The following CEP112 variants were observed in gnomAD, a reference collection of about 807,000 sequenced individuals.
The protein encoded by CEP112 is centrosomal protein of 112 kDa.
CEP112 carries 127 observed loss-of-function variants against 153.0 expected under a neutral mutation model. The ratio of observed to expected loss-of-function variants is 0.83; its 90% CI spans 0.72 to 0.96. The LOEUF is 0.96. Ranked by LOEUF, CEP112 falls within the 40% of genes least tolerant of loss-of-function variation. The pLI is 0.00. For synonymous variants in CEP112, 358 were observed against 374.4 expected (o/e 0.96, Z 0.51); for missense variants, 1,089 against 1,101.2 (o/e 0.99, Z 0.16).
chr17:66,054,381 C>A (rs1346400352), intron 11 of CEP112, among the ~76,000 whole-genome samples: 1 of 152,154 alleles, frequency 6.6e-6, no homozygotes, highest in East Asian at 1.9e-4. Flanking sequence ...TATACAAAAA[C>A]AGACAAAAAG....
At position 66,063,340 on chromosome 17, in the gene CEP112, T is replaced by TC. The variant is rs772458409; in HGVS notation, c.956-260dup. ...TCAAGCATCATTCCCCTCCAAGGAG[T>TC]CCTCTGTTGCTTTGAGGAAATCTTT... On this transcript the variant is annotated intron_variant, in intron 10 of 26. Coordinates refer to ENST00000535342, the MANE Select transcript of CEP112 (RefSeq NM_001199165.4). 1.1e-4 allele frequency among the ~76,000 whole-genome samples: 17 copies of TC among 152,176 alleles called. No homozygotes were observed. The East Asian group carries it at 2.7e-3, about 24-fold the overall frequency.
intron 18 of CEP112, among the ~76,000 whole-genome samples, chr17:65,945,427 C>G (rs188741788): frequency 1.3e-5 from 2 of 152,018 alleles, no homozygotes; most frequent in African/African-American, 4.8e-5. Flanking sequence ...GAATAAGGCA[C>G]GCATATATTT....
chr17:66,113,055 G>A (rs926624855), intron 6 of CEP112, among the ~76,000 whole-genome samples: 1 of 152,020 alleles, frequency 6.6e-6, no homozygotes, highest in Non-Finnish European at 1.5e-5. Flanking sequence ...GGTAACAAGA[G>A]CGAAACTCCG....
At chr17:66,011,319 G>A (rs28853357) in intron 16 of CEP112, among the ~76,000 whole-genome samples, 25,783 of 152,030 alleles carry the variant, frequency 0.17, 3,382 homozygotes, top group African/African-American at 0.36. Context: ...ACTATTAGGT[G>A]GTTAACTTGA....
At chr17:66,103,382 A>G (rs572582773) in intron 6 of CEP112, among the ~76,000 whole-genome samples, 2 of 152,284 alleles carry the variant, frequency 1.3e-5, no homozygotes, top group South Asian at 4.1e-4. Context: ...GGAGGAGGAT[A>G]GAAAGAAAGA....
At chr17:65,763,095 G>C (rs1290821789) in intron 21 of CEP112, among the ~76,000 whole-genome samples, 2 of 151,952 alleles carry the variant, frequency 1.3e-5, no homozygotes, top group African/African-American at 2.4e-5. Context: ...GATTCGTAGA[G>C]GTGTTTTCTC....
intron 18 of CEP112, among the ~76,000 whole-genome samples, chr17:65,930,065 G>A (rs2061068781): frequency 6.6e-6 from 1 of 152,102 alleles, no homozygotes; most frequent in Admixed American, 6.5e-5. Context: ...TTTTGTCTGA[G>A]GCAATTACCA....
At chr17:65,643,172 G>C (rs973403357) in intron 24 of CEP112, among the ~76,000 whole-genome samples, 1 of 152,196 alleles carries the variant, frequency 6.6e-6, no homozygotes, top group Non-Finnish European at 1.5e-5. Context: ...GGAGGGCCTT[G>C]GATCCTTGCT....
At chr17:66,045,054 T>C (rs2066143424) in intron 12 of CEP112, among the ~76,000 whole-genome samples, 1 of 149,894 alleles carries the variant, frequency 6.7e-6, no homozygotes, top group African/African-American at 2.5e-5. Context: ...AATACATTTT[T>C]TCAAGCTAGA....
chr17:65,985,850 T>TG (rs2063387834), intron 17 of CEP112, among the ~76,000 whole-genome samples: 2 of 150,494 alleles, frequency 1.3e-5, no homozygotes, highest in South Asian at 4.2e-4. Context: ...GGGCTTTTGT[T>TG]TTTTTTTTTT....
intron 20 of CEP112, among the ~76,000 whole-genome samples, chr17:65,852,313 C>T (rs201537175): frequency 1.7e-4 from 3 of 17,170 alleles, no homozygotes; most frequent in East Asian, 2.0e-3. Context: ...CCCTTCCCTT[C>T]CCTTTCCTTC....
At chr17:65,970,384 T>TGTAAATTACATGCACACATCATGCAA (rs1568313669) in intron 17 of CEP112, among the ~76,000 whole-genome samples, 3 of 61,556 alleles carry the variant, frequency 4.9e-5, no homozygotes, top group Non-Finnish European at 1.1e-4. Context: ...ACATCATGCA[T>TGTAAATTACATGCACACATCATGCAA]ATATATTACA....
At chr17:66,034,598 T>TTAAA (rs3056014) in intron 12 of CEP112, among the ~76,000 whole-genome samples, 140,568 of 151,766 alleles carry the variant, frequency 0.93, 65,331 homozygotes, top group East Asian at 0.97. Flanking sequence ...ATGTGAATAA[T>TTAAA]TACAGTGGAG....
chr17:66,098,004 T>C (rs1261902772), intron 6 of CEP112, among the ~76,000 whole-genome samples: 1 of 152,234 alleles, frequency 6.6e-6, no homozygotes, highest in Non-Finnish European at 1.5e-5. Flanking sequence ...GCCTAAAGGT[T>C]TCTCCATTCA....
intron 4 of CEP112, among the ~76,000 whole-genome samples, chr17:66,163,011 T>C (rs937819964): frequency 6.6e-6 from 1 of 152,114 alleles, no homozygotes; most frequent in Admixed American, 6.5e-5. Flanking sequence ...AAATAATATA[T>C]ACAGTATGAT....
intron 21 of CEP112, among the ~76,000 whole-genome samples, chr17:65,838,230 T>G (rs2057394951): frequency 6.6e-6 from 1 of 151,766 alleles, no homozygotes; most frequent in Non-Finnish European, 1.5e-5. Context: ...CATGGAAGAG[T>G]CTCCAGTATA....
chr17:65,637,100 A>G lies in CEP112; in HGVS notation c.2864+24T>C, dbSNP rs145652326. 364 of 1,590,010 alleles carry G rather than the reference A, an allele frequency of 2.3e-4. 3 individuals carry two copies. In the East Asian group the frequency reaches 5.2e-3, roughly 23 times the overall value. ...ACACAACACAAACTAATCAGGAGACAAGACACCTGCTTATGGGCTGTACCT... is the reference window on the plus strand; with the variant it reads ...ACACAACACAAACTAATCAGGAGACGAGACACCTGCTTATGGGCTGTACCT... On this transcript the variant is annotated intron_variant, in intron 26 of 26. Coordinates refer to ENST00000535342, the MANE Select transcript of CEP112 (RefSeq NM_001199165.4).
chr17:65,748,843 C>A (rs1252117191), intron 22 of CEP112, among the ~76,000 whole-genome samples: 1 of 152,180 alleles, frequency 6.6e-6, no homozygotes, highest in African/African-American at 2.4e-5. Flanking sequence ...CAGGCTTCTT[C>A]ATACATTCCT....
intron 21 of CEP112, among the ~76,000 whole-genome samples, chr17:65,808,785 C>T (rs890804547): frequency 1.6e-4 from 25 of 152,008 alleles, no homozygotes; most frequent in African/African-American, 4.3e-4. Context: ...CTCCCAGTCA[C>T]GCTTCCTGTT....
Sources: allele counts gnomAD v4.1 joint callset (sites outside exome capture counted in the v4.1 genomes callset), GRCh38; gene constraint gnomAD v4.1.1; transcripts MANE v1.5; gene names NCBI Gene and HGNC (gene_info 2026-07-23, HGNC 2026-07-21).